The following ZBTB8OS variants were observed in gnomAD, a reference collection of about 807,000 sequenced individuals.
ZBTB8OS encodes the protein tRNA splicing ligase complex subunit 1.
ZBTB8OS carries 16 observed loss-of-function variants against 29.3 expected under a neutral mutation model. The ratio of observed to expected loss-of-function variants is 0.55; its 90% confidence interval spans 0.37 to 0.83. ZBTB8OS has a LOEUF of 0.83. Among genes scored for constraint, ZBTB8OS ranks in the 40% least tolerant of loss-of-function variants. The pLI, the probability that ZBTB8OS is intolerant of heterozygous loss-of-function variation, is 0.00. For synonymous variants in ZBTB8OS, 70 were observed against 64.6 expected, an observed-to-expected ratio of 1.08 and a Z score of -0.40; for missense variants, 160 against 196.9, an observed-to-expected ratio of 0.81 and a Z score of 1.12.
rs937355894 is a variant in ZBTB8OS at position 32,646,697 on chromosome 1, T to C, written c.97+3736A>G. On this transcript the variant is annotated intron_variant, in intron 1 of 6. Coordinates refer to ENST00000468695, the MANE Select transcript of ZBTB8OS (RefSeq NM_178547.5). The stretch of plus-strand genomic sequence containing the variant: ...TAGGAAAATTATTTTAAAATCTCAG[T>C]GGACAAGGCATTCCCTGAGTATGAC... 4.0e-5 allele frequency among the ~76,000 whole-genome samples: 6 copies of C among 151,604 alleles called. No homozygotes were observed. In the East Asian group the frequency reaches 5.8e-4, roughly 15 times the overall value.
intron 5 of ZBTB8OS, among the ~76,000 whole-genome samples, chr1:32,628,414 A>G (rs980683661): frequency 9.9e-5 from 15 of 151,810 alleles, no homozygotes; most frequent in Admixed American, 2.0e-4. Context: ...AGGTAGGCGG[A>G]TCACCTGAGG....
intron 6 of ZBTB8OS, among the ~76,000 whole-genome samples, chr1:32,622,337 G>T (rs1228868712): frequency 6.6e-6 from 1 of 152,102 alleles, no homozygotes; most frequent in Non-Finnish European, 1.5e-5. Context: ...GCCCATCAAT[G>T]GTAGACTGGA....
chr1:32,628,887 G>A (rs1304867496), intron 5 of ZBTB8OS, among the ~76,000 whole-genome samples: 2 of 150,900 alleles, frequency 1.3e-5, no homozygotes, highest in African/African-American at 4.9e-5. Context: ...AGTGAACCAA[G>A]ATCACATCAT....
chr1:32,643,973 C>T (rs999358025), intron 1 of ZBTB8OS, among the ~76,000 whole-genome samples: 6 of 151,728 alleles, frequency 4.0e-5, no homozygotes, highest in Admixed American at 6.6e-5. Flanking sequence ...TTTTATTAGC[C>T]GGCGACCTAG....
intron 6 of ZBTB8OS, among the ~76,000 whole-genome samples, chr1:32,623,658 C>T (rs1397019513): frequency 4.6e-5 from 7 of 152,174 alleles, no homozygotes; most frequent in Non-Finnish European, 7.3e-5. Flanking sequence ...GGCTGTGGCC[C>T]TATCTCTACA....
chr1:32,623,691 C>T (rs1644901134), intron 6 of ZBTB8OS, among the ~76,000 whole-genome samples: 1 of 152,174 alleles, frequency 6.6e-6, no homozygotes, highest in African/African-American at 2.4e-5. Flanking sequence ...ACTATTACAC[C>T]TTCACTCTCA....
In ZBTB8OS at chr1:32,631,990, AC is replaced by A. The variant is rs1645595361; in HGVS notation, c.328-112del. 3.6e-5 allele frequency: 13 copies of A among 357,258 alleles called. No individual in the cohort carries two copies. The South Asian group carries it at 4.0e-4, about 11-fold the overall frequency. 22.1% of individuals were successfully genotyped at this position (357,258 alleles called of 1,614,324 possible). On this transcript the variant is annotated intron_variant, in intron 4 of 6. Transcript: ENST00000468695. ...GGACCATCTACTAAAAATTGGTAAA[AC>A]CTTTTTTTTTTTTTTTTTTTTTTTT...
intron 1 of ZBTB8OS, among the ~76,000 whole-genome samples, chr1:32,639,704 G>A (rs1646254914): frequency 6.6e-6 from 1 of 152,096 alleles, no homozygotes; most frequent in Non-Finnish European, 1.5e-5. Context: ...GCTGCAGTGA[G>A]CTAAGAGTGC....
chr1:32,639,571 A>T (rs530981797), intron 1 of ZBTB8OS, among the ~76,000 whole-genome samples: 67 of 152,180 alleles, frequency 4.4e-4, no homozygotes, highest in Admixed American at 7.9e-4. Flanking sequence ...ACTAGCCTGG[A>T]CAACATAGTG....
intron 1 of ZBTB8OS, among the ~76,000 whole-genome samples, chr1:32,645,715 C>T (rs1297649216): frequency 6.6e-6 from 1 of 152,126 alleles, no homozygotes; most frequent in Non-Finnish European, 1.5e-5. Context: ...AGCCGAGTCT[C>T]AAACTCCTGG....
chr1:32,639,777 T>C (rs1413394308), intron 1 of ZBTB8OS, among the ~76,000 whole-genome samples: 1 of 152,000 alleles, frequency 6.6e-6, no homozygotes. Flanking sequence ...AAATAAAAGT[T>C]ATTAATTAAA....
At chr1:32,622,768 A>T (rs1055167690) in intron 6 of ZBTB8OS, among the ~76,000 whole-genome samples, 44 of 152,268 alleles carry the variant, frequency 2.9e-4, no homozygotes, top group African/African-American at 1.1e-3. Flanking sequence ...GATTAAAAAA[A>T]AAAAAAGAAA....
intron 1 of ZBTB8OS, among the ~76,000 whole-genome samples, chr1:32,648,625 C>T (rs561267861): frequency 6.7e-4 from 102 of 152,292 alleles, no homozygotes; most frequent in Non-Finnish European, 1.2e-3. Context: ...CTATGTTACA[C>T]TTTCTGAATT....
intron 6 of ZBTB8OS, among the ~76,000 whole-genome samples, chr1:32,622,472 G>A (rs1644823641): frequency 6.6e-6 from 1 of 152,136 alleles, no homozygotes; most frequent in East Asian, 1.9e-4. Flanking sequence ...TCATGCAGGA[G>A]CAGAAAATCA....
chr1:32,625,467 G>A (rs1645057779), intron 6 of ZBTB8OS, among the ~76,000 whole-genome samples: 1 of 152,176 alleles, frequency 6.6e-6, no homozygotes, highest in African/African-American at 2.4e-5. Flanking sequence ...CTGGGAGGCG[G>A]AGGTTGCAGT....
chr1:32,630,880 G>T (rs116569283), intron 5 of ZBTB8OS, among the ~76,000 whole-genome samples: 1 of 152,034 alleles, frequency 6.6e-6, no homozygotes. Flanking sequence ...AGGCGTGGTA[G>T]CAGGCGCGTA....
intron 1 of ZBTB8OS, among the ~76,000 whole-genome samples, chr1:32,647,017 G>T (rs1646889360): frequency 8.8e-6 from 1 of 114,044 alleles, no homozygotes; most frequent in Non-Finnish European, 1.7e-5. Flanking sequence ...ACTCCAGCCT[G>T]GGAGACAGAG....
At chr1:32,644,361 T>C (rs1292330145) in intron 1 of ZBTB8OS, among the ~76,000 whole-genome samples, 2 of 152,002 alleles carry the variant, frequency 1.3e-5, no homozygotes, top group African/African-American at 4.8e-5. Context: ...TCTCTGGCTC[T>C]CTTAGCTAAG....
chr1:32,634,399 G>C, intron 2 of ZBTB8OS: 1 of 312,660 alleles, frequency 3.2e-6, no homozygotes, highest in Non-Finnish European at 5.9e-6. Flanking sequence ...GCTAATTTTT[G>C]TATTTTTAGT....
Sources: allele counts gnomAD v4.1 joint callset (sites outside exome capture counted in the v4.1 genomes callset), GRCh38; gene constraint gnomAD v4.1.1; transcripts MANE v1.5; gene names NCBI Gene and HGNC (gene_info 2026-07-23, HGNC 2026-07-21).